CSNK2A2IP: variants seen among roughly 807,000 people sequenced by gnomAD.
CSNK2A2IP encodes the protein casein kinase 2 subunit alpha' interacting protein.
chr3:88,431,294 C>T, the CSNK2A2IP span: 2 of 152,186 alleles, frequency 1.3e-5, no homozygotes, highest in Admixed American at 6.5e-5. Flanking sequence ...CTCACTACTG[C>T]ACTTGATAGT....
At chr3:88,369,840 A>T in the CSNK2A2IP span, among the ~76,000 whole-genome samples, 1 of 151,928 alleles carries the variant, frequency 6.6e-6, no homozygotes, top group African/African-American at 2.4e-5. Flanking sequence ...TGGCATAAGA[A>T]GAGCAACTGG....
the CSNK2A2IP span, among the ~76,000 whole-genome samples, chr3:88,445,475 C>A: frequency 3.9e-5 from 6 of 152,020 alleles, no homozygotes; most frequent in African/African-American, 1.4e-4. Flanking sequence ...AAGGTAGTTT[C>A]TTTCAACCAT....
the CSNK2A2IP span, among the ~76,000 whole-genome samples, chr3:88,404,787 T>C: frequency 3.8e-4 from 47 of 123,662 alleles, no homozygotes; most frequent in African/African-American, 1.2e-3. Context: ...TCTGCCTTCA[T>C]TTATTCCTTT....
At chr3:88,390,776 A>C in the CSNK2A2IP span, among the ~76,000 whole-genome samples, 1 of 152,146 alleles carries the variant, frequency 6.6e-6, no homozygotes, top group African/African-American at 2.4e-5. Context: ...TATTATTTTA[A>C]GGTCTTGGAA....
chr3:88,356,610 C>T, the CSNK2A2IP span, among the ~76,000 whole-genome samples: 1 of 151,972 alleles, frequency 6.6e-6, no homozygotes, highest in African/African-American at 2.4e-5. Flanking sequence ...GGATATATAC[C>T]TAGCAGTGAG....
At chr3:88,388,089 T>G in the CSNK2A2IP span, among the ~76,000 whole-genome samples, 3 of 152,188 alleles carry the variant, frequency 2.0e-5, no homozygotes, top group African/African-American at 7.2e-5. Context: ...TGCACAGAAC[T>G]CTTTATTTTT....
the CSNK2A2IP span, among the ~76,000 whole-genome samples, chr3:88,349,231 C>A: frequency 1.3e-5 from 2 of 151,958 alleles, no homozygotes; most frequent in African/African-American, 4.8e-5. Flanking sequence ...GTGCACCCCT[C>A]ACCCAAGAAG....
At chr3:88,365,900 A>T in the CSNK2A2IP span, among the ~76,000 whole-genome samples, 2 of 152,158 alleles carry the variant, frequency 1.3e-5, no homozygotes, top group Non-Finnish European at 2.9e-5. Context: ...ACTCAGGGAA[A>T]CATATTATTA....
At chr3:88,396,182 G>A in the CSNK2A2IP span, among the ~76,000 whole-genome samples, 3 of 144,414 alleles carry the variant, frequency 2.1e-5, no homozygotes, top group East Asian at 6.2e-4. Context: ...TCGGCTCACT[G>A]CAGGCTCCGC....
the CSNK2A2IP span, among the ~76,000 whole-genome samples, chr3:88,348,708 G>T: frequency 6.6e-6 from 1 of 151,960 alleles, no homozygotes; most frequent in Non-Finnish European, 1.5e-5. Flanking sequence ...GGCCAGAAAA[G>T]CCCTTTTTTG....
At chr3:88,454,294 TGA>T in the CSNK2A2IP span, among the ~76,000 whole-genome samples, 52 of 151,904 alleles carry the variant, frequency 3.4e-4, no homozygotes, top group African/African-American at 1.2e-3. Flanking sequence ...TATTGAATTT[TGA>T]GAGTTTTCTC....
chr3:88,359,057 A>G, the CSNK2A2IP span, among the ~76,000 whole-genome samples: 1 of 148,186 alleles, frequency 6.7e-6, no homozygotes, highest in East Asian at 2.0e-4. Context: ...TTGTAAGTAT[A>G]GTTACTTATG....
the CSNK2A2IP span, among the ~76,000 whole-genome samples, chr3:88,399,129 C>T: frequency 6.6e-6 from 1 of 151,870 alleles, no homozygotes; most frequent in Admixed American, 6.6e-5. Context: ...TTTAATGAGG[C>T]CATTTTTGAG....
the CSNK2A2IP span, among the ~76,000 whole-genome samples, chr3:88,398,212 T>G: frequency 6.6e-6 from 1 of 152,250 alleles, no homozygotes; most frequent in Non-Finnish European, 1.5e-5. Flanking sequence ...ATGCAAAATG[T>G]CTATGGAAGA....
At chr3:88,393,528 CACA>C in the CSNK2A2IP span, among the ~76,000 whole-genome samples, 1 of 152,086 alleles carries the variant, frequency 6.6e-6, no homozygotes, top group African/African-American at 2.4e-5. Context: ...TGTGTACATA[CACA>C]TACACATATT....
At chr3:88,349,170 T>C in the CSNK2A2IP span, among the ~76,000 whole-genome samples, 1 of 151,960 alleles carries the variant, frequency 6.6e-6, no homozygotes, top group African/African-American at 2.4e-5. Context: ...GGGGTGCAGG[T>C]GGTTTTTGGT....
the CSNK2A2IP span, among the ~76,000 whole-genome samples, chr3:88,379,528 T>A: frequency 6.6e-6 from 1 of 152,234 alleles, no homozygotes; most frequent in South Asian, 2.1e-4. Context: ...TCTTTCAAGC[T>A]GACAGATAAA....
the CSNK2A2IP span, among the ~76,000 whole-genome samples, chr3:88,382,367 A>G: frequency 6.6e-6 from 1 of 152,234 alleles, no homozygotes; most frequent in East Asian, 1.9e-4. Context: ...CCTCCTCCCT[A>G]ACAGAATGGG....
the CSNK2A2IP span, among the ~76,000 whole-genome samples, chr3:88,393,852 A>G: frequency 6.6e-6 from 1 of 152,198 alleles, no homozygotes; most frequent in Non-Finnish European, 1.5e-5. Flanking sequence ...ATTAGTGAAT[A>G]AGAAAAAATG....
Sources: gnomAD v4.1 joint callset for allele counts (sites outside exome capture counted in the v4.1 genomes callset) on GRCh38, gnomAD v4.1.1 for gene constraint, MANE v1.5 for transcripts, NCBI Gene and HGNC (gene_info 2026-07-23, HGNC 2026-07-21) for gene names.